Variants in NBAS observed in about 807,000 individuals in gnomAD.
NBAS encodes the protein NAG/BC035112 fusion.
A neutral mutation model predicts 302.5 loss-of-function variants in NBAS; 219 were observed. The observed-to-expected ratio is 0.72, with a 90% CI of 0.65 to 0.81. NBAS has a LOEUF of 0.81. NBAS is among the 30% of genes least tolerant of loss of function. The probability of loss-of-function intolerance (pLI) is 0.00; values close to 1 mark genes in which losing one functional copy is unlikely to be tolerated. For synonymous variants in NBAS, 1,118 were observed against 1,021.6 expected, an observed-to-expected ratio of 1.09 and a Z score of -1.80; for missense variants, 2,932 against 2,841.6, an observed-to-expected ratio of 1.03 and a Z score of -0.72.
At chr2:15,316,610 C>A (rs1287422473) in intron 38 of NBAS, among the ~76,000 whole-genome samples, 1 of 152,218 alleles carries the variant, frequency 6.6e-6, no homozygotes, top group Non-Finnish European at 1.5e-5. Flanking sequence ...GCCCATGGAG[C>A]CTTGCTCACT....
At position 15,308,300 on chromosome 2, in the gene NBAS, G is replaced by T. The variant is rs1671120214; in HGVS notation, c.4713C>A (p.Leu1571=). ...FEKQSPSALS[L]QLAAYYYSLQ... ...GGCTATAGTAATACGCTGCCAGCTGGAGAGATAATGCAGAGGGGGACTGCT... is the reference window on the plus strand; with the variant it reads ...GGCTATAGTAATACGCTGCCAGCTGTAGAGATAATGCAGAGGGGGACTGCT... The change falls in exon 40 of 52, where the codon CTC becomes CTA. Residue 1571 remains leucine, a synonymous_variant. Coordinates refer to ENST00000281513, the MANE Select transcript of NBAS (RefSeq NM_015909.4). 1.9e-6 allele frequency: 3 copies of T among 1,614,062 alleles called. No individual in the cohort carries two copies. The highest frequency in any genetic ancestry group is 2.5e-6 in the Non-Finnish European group (3 of 1,180,034).
chr2:14,797,170 G>A, the NBAS span, among the ~76,000 whole-genome samples: 1 of 149,790 alleles, frequency 6.7e-6, no homozygotes, highest in African/African-American at 2.5e-5. Context: ...GGGTTGGGGG[G>A]TGACCCACCT....
At chr2:15,414,896 G>A (rs930766145) in intron 25 of NBAS, among the ~76,000 whole-genome samples, 1 of 152,142 alleles carries the variant, frequency 6.6e-6, no homozygotes, top group African/African-American at 2.4e-5. Flanking sequence ...AGTGAGCCAA[G>A]ATCATGCCAC....
At chr2:15,447,475 G>C in intron 21 of NBAS, among the ~76,000 whole-genome samples, 1 of 152,144 alleles carries the variant, frequency 6.6e-6, no homozygotes, top group South Asian at 2.1e-4. Context: ...TAGAAACCAA[G>C]ATAGTGGCTC....
intron 21 of NBAS, among the ~76,000 whole-genome samples, chr2:15,433,385 T>C (rs568770610): frequency 1.3e-5 from 2 of 152,278 alleles, no homozygotes; most frequent in East Asian, 1.9e-4. Flanking sequence ...TGGCATACAG[T>C]GAATGTTATA....
chr2:15,040,784 C>T, the NBAS span, among the ~76,000 whole-genome samples: 1 of 152,184 alleles, frequency 6.6e-6, no homozygotes, highest in African/African-American at 2.4e-5. Context: ...CTTTGCTACC[C>T]ATAAATCCCA....
At chr2:15,035,301 T>C in the NBAS span, among the ~76,000 whole-genome samples, 5 of 152,314 alleles carry the variant, frequency 3.3e-5, no homozygotes, top group Admixed American at 2.6e-4. Context: ...CCAGTCAGAA[T>C]GGCGATTGTT....
chr2:15,387,921 C>T (rs1675391692), intron 28 of NBAS, among the ~76,000 whole-genome samples: 1 of 152,222 alleles, frequency 6.6e-6, no homozygotes, highest in Non-Finnish European at 1.5e-5. Flanking sequence ...AGGCATGAGC[C>T]ACTGTGCCTG....
the NBAS span, among the ~76,000 whole-genome samples, chr2:14,873,998 G>A: frequency 6.6e-6 from 1 of 151,808 alleles, no homozygotes; most frequent in Non-Finnish European, 1.5e-5. Context: ...AATAGACAAA[G>A]TCAATATAAT....
chr2:15,194,040 G>C (rs1665492726), intron 48 of NBAS, among the ~76,000 whole-genome samples: 1 of 151,678 alleles, frequency 6.6e-6, no homozygotes, highest in Non-Finnish European at 1.5e-5. Flanking sequence ...CCCAGACCTA[G>C]TATTTCCCAA....
At chr2:15,046,944 C>T in the NBAS span, among the ~76,000 whole-genome samples, 2 of 152,158 alleles carry the variant, frequency 1.3e-5, no homozygotes, top group Non-Finnish European at 2.9e-5. Flanking sequence ...GTCCAGTCAA[C>T]ATCATCAGGG....
At chr2:14,795,128 T>C in the NBAS span, among the ~76,000 whole-genome samples, 5 of 152,220 alleles carry the variant, frequency 3.3e-5, no homozygotes, top group African/African-American at 1.2e-4. Flanking sequence ...AGAAATAGAA[T>C]GTCTAGTTCA....
At chr2:15,102,893 T>G in the NBAS span, among the ~76,000 whole-genome samples, 1 of 152,042 alleles carries the variant, frequency 6.6e-6, no homozygotes, top group African/African-American at 2.4e-5. Flanking sequence ...CCTTGGCATC[T>G]GTTCCAGCCA....
At chr2:15,004,896 T>C in the NBAS span, among the ~76,000 whole-genome samples, 1 of 152,088 alleles carries the variant, frequency 6.6e-6, no homozygotes, top group Non-Finnish European at 1.5e-5. Flanking sequence ...TGGTGAAGTT[T>C]ATATTTTCAA....
At chr2:15,025,400 A>C in the NBAS span, among the ~76,000 whole-genome samples, 3 of 152,176 alleles carry the variant, frequency 2.0e-5, no homozygotes, top group East Asian at 5.8e-4. Flanking sequence ...GGGCAATGTG[A>C]TTCTTCCAGC....
At chr2:14,886,543 TATAA>T in the NBAS span, 1 of 152,210 alleles carries the variant, frequency 6.6e-6, no homozygotes, top group African/African-American at 2.4e-5. Flanking sequence ...TCCCCATCTC[TATAA>T]ATTGTACCTA....
chr2:15,406,685 A>G (rs2148440697), intron 25 of NBAS, among the ~76,000 whole-genome samples: 1 of 152,320 alleles, frequency 6.6e-6, no homozygotes, highest in South Asian at 2.1e-4. Flanking sequence ...ATATGTAAGA[A>G]TTCCTAAAAA....
At chr2:14,997,410 T>G in the NBAS span, among the ~76,000 whole-genome samples, 2 of 150,978 alleles carry the variant, frequency 1.3e-5, no homozygotes, top group African/African-American at 4.9e-5. Context: ...CTAGTTCAGC[T>G]CAACATTTGC....
chr2:14,955,724 G>A, the NBAS span, among the ~76,000 whole-genome samples: 1 of 152,188 alleles, frequency 6.6e-6, no homozygotes, highest in Non-Finnish European at 1.5e-5. Context: ...GCTCCTTTTA[G>A]CCACAGCTTG....
Sources: gnomAD v4.1 joint callset for allele counts (sites outside exome capture counted in the v4.1 genomes callset) on GRCh38, gnomAD v4.1.1 for gene constraint, MANE v1.5 for transcripts, NCBI Gene and HGNC (gene_info 2026-07-23, HGNC 2026-07-21) for gene names.